The following NAV3 variants were observed in gnomAD, a reference collection of about 807,000 sequenced individuals.
The protein encoded by NAV3 is pore membrane and/or filament interacting like protein 1.
NAV3 carries 87 observed loss-of-function variants against 244.7 expected under a neutral mutation model. The observed-to-expected ratio is 0.36, with a 90% CI of 0.30 to 0.42. The LOEUF is 0.42. Ranked by LOEUF, NAV3 falls within the 20% of genes least tolerant of loss-of-function variation. The pLI, the probability that NAV3 is intolerant of heterozygous loss-of-function variation, is 1.00. For synonymous variants in NAV3, 1,126 were observed against 1,042.2 expected (o/e 1.08, Z -1.55); for missense variants, 2,663 against 2,893.3 (o/e 0.92, Z 1.83).
chr12:78,128,644 T>G, intron 17 of NAV3, 62 bp from the exon 18 acceptor site: 1 of 1,516,586 alleles, frequency 6.6e-7, no homozygotes, highest in East Asian at 2.3e-5. Flanking sequence ...ATTGTTTTCC[T>G]GTCCTGGCAT....
intron 1 of NAV3, among the ~76,000 whole-genome samples, chr12:77,932,251 A>T (rs1272488): frequency 0.84 from 127,221 of 152,004 alleles, 53,376 homozygotes; most frequent in East Asian, 0.98. Context: ...CTAAGTCCGG[A>T]TTTTCCCTAA....
At chr12:77,632,535 C>A (rs1871959773) in intron 2 of NAV3, among the ~76,000 whole-genome samples, 1 of 152,094 alleles carries the variant, frequency 6.6e-6, no homozygotes, top group African/African-American at 2.4e-5. Flanking sequence ...AGGGCAAAGA[C>A]CCACCCCCAT....
intron 2 of NAV3, among the ~76,000 whole-genome samples, chr12:77,655,724 C>A (rs1230301714): frequency 6.6e-6 from 1 of 152,048 alleles, no homozygotes; most frequent in Non-Finnish European, 1.5e-5. Context: ...GGGTTACCCA[C>A]AAAAGGGAAG....
At chr12:78,104,842 T>A (rs1337125383) in intron 12 of NAV3, among the ~76,000 whole-genome samples, 1 of 152,180 alleles carries the variant, frequency 6.6e-6, no homozygotes. Flanking sequence ...CCATACCTTA[T>A]GTGGCCTTTT....
At chr12:77,764,413 A>G (rs1189831735) in intron 2 of NAV3, among the ~76,000 whole-genome samples, 1 of 152,194 alleles carries the variant, frequency 6.6e-6, no homozygotes, top group Non-Finnish European at 1.5e-5. Flanking sequence ...TGTAATTGGT[A>G]CCAGTCATTG....
intron 39 of NAV3, among the ~76,000 whole-genome samples, chr12:78,209,675 A>T (rs187065921): frequency 6.6e-6 from 1 of 152,158 alleles, no homozygotes; most frequent in African/African-American, 2.4e-5. Context: ...GCTTTCATGC[A>T]TATGTCCCTT....
Position 77,604,123 on chromosome 12 carries a change from C to A in NAV3, c.72+31857C>A, listed in dbSNP as rs187140954. ...AAAGAGAAACATGAAAAGAAACTCA[C>A]TAAGGATAAATATGATGAGGGCAGA... is the stretch of plus-strand genomic sequence containing the variant. On this transcript the variant is annotated intron_variant, in intron 2 of 8. Coordinates refer to the NAV3 transcript ENST00000550042. 7.9e-5 allele frequency among the ~76,000 whole-genome samples: 12 copies of A among 152,090 alleles called. No homozygotes were observed. The East Asian group carries it at 2.1e-3, about 27-fold the overall frequency.
At chr12:77,896,203 G>A (rs1034459798) in intron 1 of NAV3, among the ~76,000 whole-genome samples, 2 of 152,204 alleles carry the variant, frequency 1.3e-5, no homozygotes, top group South Asian at 4.2e-4. Context: ...GATTAACAGT[G>A]AACTCTGAAG....
chr12:78,130,554 G>C (rs1016968733), intron 18 of NAV3: 1 of 193,772 alleles, frequency 5.2e-6, no homozygotes, highest in African/African-American at 2.4e-5. Context: ...CTCCCAGAGG[G>C]CTAAATCCCA....
At chr12:77,661,859 A>G (rs1331977991) in intron 2 of NAV3, among the ~76,000 whole-genome samples, 2 of 152,078 alleles carry the variant, frequency 1.3e-5, no homozygotes, top group Non-Finnish European at 2.9e-5. Flanking sequence ...AAATGTGAAT[A>G]TATTTCTAGA....
chr12:78,162,906 A>G (rs987261118), intron 23 of NAV3, among the ~76,000 whole-genome samples: 9 of 130,274 alleles, frequency 6.9e-5, no homozygotes, highest in African/African-American at 2.1e-4. Context: ...ATATATAAAT[A>G]TATATATTAT....
chr12:77,864,895 A>G (rs770160), intron 1 of NAV3, among the ~76,000 whole-genome samples: 115,318 of 151,822 alleles, frequency 0.76, 43,939 homozygotes, highest in Middle Eastern at 0.8. Flanking sequence ...CAAAGTTAAT[A>G]GTCAGTAAAT....
At chr12:78,156,218 A>C (rs1013232780) in intron 22 of NAV3, among the ~76,000 whole-genome samples, 1 of 152,120 alleles carries the variant, frequency 6.6e-6, no homozygotes, top group Non-Finnish European at 1.5e-5. Flanking sequence ...GTATATGGCT[A>C]GTCAGTTCTA....
chr12:77,772,908 T>G (rs1448051086), intron 2 of NAV3, among the ~76,000 whole-genome samples: 1 of 152,210 alleles, frequency 6.6e-6, no homozygotes, highest in Non-Finnish European at 1.5e-5. Context: ...CTTTCATTGT[T>G]GGCATTATGA....
At chr12:77,827,642 G>C (rs1873151607), upstream of NAV3, among the ~76,000 whole-genome samples, 3 of 151,958 alleles carry the variant, frequency 2.0e-5, no homozygotes, top group African/African-American at 4.8e-5. Context: ...ACCATATTAG[G>C]CTTCATGACT....
chr12:77,916,841 A>G (rs536005289), intron 1 of NAV3, among the ~76,000 whole-genome samples: 1 of 152,028 alleles, frequency 6.6e-6, no homozygotes, highest in Non-Finnish European at 1.5e-5. Context: ...GTTAAAAAAT[A>G]TCTTTTCAGA....
chr12:77,789,057 A>G lies in NAV3; in HGVS notation c.73-151262A>G, dbSNP rs184053182. On this transcript the variant is annotated intron_variant, in intron 2 of 8. Transcript: ENST00000550042. ...ACAAAGACTCTTCTACGTTCCTAAC[A>G]TATCTAATCCTTCATCCTCTACTTT... 9.3e-4 allele frequency among the ~76,000 whole-genome samples: 142 copies of G among 152,322 alleles called. No individual in the cohort carries two copies. In the Middle Eastern group the frequency reaches 0.02, roughly 22 times the overall value.
At chr12:78,201,095 C>A (rs1959647237) in intron 38 of NAV3, among the ~76,000 whole-genome samples, 3 of 81,052 alleles carry the variant, frequency 3.7e-5, no homozygotes, top group Admixed American at 1.9e-4. Flanking sequence ...TTTTTTGAGA[C>A]AGGGTCTCAC....
At chr12:77,679,565 T>C (rs1030403149) in intron 2 of NAV3, among the ~76,000 whole-genome samples, 1 of 150,588 alleles carries the variant, frequency 6.6e-6, no homozygotes, top group African/African-American at 2.4e-5. Context: ...AATCAATGAG[T>C]TGTTTATTAA....
Sources: allele counts gnomAD v4.1 joint callset (sites outside exome capture counted in the v4.1 genomes callset), GRCh38; gene constraint gnomAD v4.1.1; transcripts MANE v1.5; gene names NCBI Gene and HGNC (gene_info 2026-07-23, HGNC 2026-07-21).